The following PTPRD variants were observed in gnomAD, a reference collection of about 807,000 sequenced individuals.
The protein encoded by PTPRD is protein tyrosine phosphatase receptor type D, also known as receptor-type tyrosine-protein phosphatase delta.
A neutral mutation model predicts 214.5 loss-of-function variants in PTPRD; 34 were observed. The ratio of observed to expected loss-of-function variants is 0.16; its 90% CI spans 0.12 to 0.21. The LOEUF (loss-of-function observed/expected upper bound fraction) is 0.21, where lower values mean the gene tolerates loss of function less well. PTPRD is among the 10% of genes least tolerant of loss of function. PTPRD has a pLI of 1.00. For missense variants in PTPRD, 2,545 were observed against 2,398.7 expected, an observed-to-expected ratio of 1.06 and a Z score of -1.27; for synonymous variants, 1,128 against 845.7, an observed-to-expected ratio of 1.33 and a Z score of -5.79.
intron 2 of PTPRD, among the ~76,000 whole-genome samples, chr9:10,362,435 T>A (rs2097412691): frequency 6.6e-6 from 1 of 151,768 alleles, no homozygotes; most frequent in South Asian, 2.1e-4. Flanking sequence ...GAGCAATGAC[T>A]GAATCTGGGC....
chr9:8,576,941 G>A (rs1230065382), intron 14 of PTPRD, among the ~76,000 whole-genome samples: 2 of 152,128 alleles, frequency 1.3e-5, no homozygotes, highest in African/African-American at 4.8e-5. Flanking sequence ...AGAGCCATCT[G>A]GACCTTTATC....
In PTPRD at chr9:9,094,759, C is replaced by T. The variant is rs555981023; in HGVS notation, c.-142-76024G>A. Among the ~76,000 whole-genome samples the T allele has an allele frequency of 2.8e-4, 43 of 152,200 alleles. No homozygotes were observed. The South Asian group carries it at 5.4e-3, about 19-fold the overall frequency. ...TAAAATATTTAACAACAACAAACAACGACAACAACAACATACAATTTCCAT... is the reference window on the plus strand; with the variant it reads ...TAAAATATTTAACAACAACAAACAATGACAACAACAACATACAATTTCCAT... On this transcript the variant is annotated intron_variant, in intron 10 of 45. Transcript: ENST00000381196.
intron 7 of PTPRD, among the ~76,000 whole-genome samples, chr9:9,691,937 T>C (rs1023810180): frequency 6.6e-6 from 1 of 152,078 alleles, no homozygotes; most frequent in African/African-American, 2.4e-5. Flanking sequence ...GGGAACTGTC[T>C]ATTGAAATAT....
intron 11 of PTPRD, among the ~76,000 whole-genome samples, chr9:8,758,204 C>A (rs540511473): frequency 7.0e-4 from 107 of 152,290 alleles, no homozygotes; most frequent in African/African-American, 2.4e-3. Flanking sequence ...ATGTAGTCAG[C>A]CTTTCTCAAC....
intron 8 of PTPRD, among the ~76,000 whole-genome samples, chr9:9,542,267 G>A (rs2077764124): frequency 6.6e-6 from 1 of 151,758 alleles, no homozygotes; most frequent in South Asian, 2.1e-4. Context: ...TAATTTAGGT[G>A]ACAAACAGGT....
chr9:9,069,931 G>T (rs983537045), intron 10 of PTPRD, among the ~76,000 whole-genome samples: 1 of 152,098 alleles, frequency 6.6e-6, no homozygotes, highest in Non-Finnish European at 1.5e-5. Flanking sequence ...TGGAGAAAAA[G>T]AACCTATAAA....
chr9:8,318,512 T>C (rs1225385638), intron 45 of PTPRD, among the ~76,000 whole-genome samples: 4 of 152,076 alleles, frequency 2.6e-5, no homozygotes, highest in South Asian at 2.1e-4. Flanking sequence ...ACCCTTTGGC[T>C]GTCTCTCTCA....
intron 7 of PTPRD, among the ~76,000 whole-genome samples, chr9:9,639,484 A>T (rs1477820657): frequency 6.6e-6 from 1 of 152,188 alleles, no homozygotes; most frequent in Non-Finnish European, 1.5e-5. Context: ...TTTTCCTATT[A>T]GCAGGCTATG....
At chr9:10,478,702 C>G (rs971169186) in intron 2 of PTPRD, among the ~76,000 whole-genome samples, 2 of 151,604 alleles carry the variant, frequency 1.3e-5, no homozygotes, top group Non-Finnish European at 2.9e-5. Context: ...AATACAATTA[C>G]AGAGTTACTA....
chr9:9,515,622 T>C (rs994580527), intron 8 of PTPRD, among the ~76,000 whole-genome samples: 2 of 151,812 alleles, frequency 1.3e-5, no homozygotes, highest in East Asian at 1.9e-4. Flanking sequence ...TTACAAGATA[T>C]GGAAAAACAT....
chr9:8,971,659 C>A (rs996726849), intron 11 of PTPRD, among the ~76,000 whole-genome samples: 26 of 151,662 alleles, frequency 1.7e-4, no homozygotes, highest in African/African-American at 5.8e-4. Flanking sequence ...ATGGGGAAAT[C>A]ATCCTATCTA....
intron 3 of PTPRD, among the ~76,000 whole-genome samples, chr9:10,158,652 G>A (rs1178916286): frequency 2.6e-5 from 4 of 152,116 alleles, no homozygotes; most frequent in African/African-American, 9.7e-5. Flanking sequence ...AGCATTCTGA[G>A]CATATGGTAA....
At chr9:9,981,445 C>G (rs1362729022) in intron 4 of PTPRD, among the ~76,000 whole-genome samples, 2 of 151,450 alleles carry the variant, frequency 1.3e-5, no homozygotes, top group African/African-American at 4.9e-5. Flanking sequence ...AGCTCCACCT[C>G]CAGGGTTCAA....
chr9:10,545,125 A>G (rs2059921854), intron 2 of PTPRD, among the ~76,000 whole-genome samples: 1 of 152,206 alleles, frequency 6.6e-6, no homozygotes, highest in East Asian at 1.9e-4. Context: ...TGGGCAGAGC[A>G]AACTCCCACA....
intron 3 of PTPRD, among the ~76,000 whole-genome samples, chr9:10,177,948 G>T (rs1212607534): frequency 6.6e-6 from 1 of 151,852 alleles, no homozygotes; most frequent in Non-Finnish European, 1.5e-5. Flanking sequence ...AAACCAAAAT[G>T]GGAGCAGTCC....
intron 9 of PTPRD, among the ~76,000 whole-genome samples, chr9:9,234,563 C>G (rs2099965341): frequency 6.6e-6 from 1 of 152,184 alleles, no homozygotes; most frequent in Non-Finnish European, 1.5e-5. Context: ...CACCCGGCTG[C>G]AAATTTTCCA....
At chr9:10,540,178 C>A (rs1181388641) in intron 2 of PTPRD, among the ~76,000 whole-genome samples, 1 of 152,108 alleles carries the variant, frequency 6.6e-6, no homozygotes, top group Non-Finnish European at 1.5e-5. Flanking sequence ...AACTGGCGTG[C>A]ACCACTATGC....
At chr9:8,642,231 C>T (rs1287859335) in intron 12 of PTPRD, among the ~76,000 whole-genome samples, 1 of 152,158 alleles carries the variant, frequency 6.6e-6, no homozygotes, top group African/African-American at 2.4e-5. Context: ...TGCCATTTAT[C>T]TAATTTAATT....
At chr9:9,304,964 T>C (rs1268169306) in intron 9 of PTPRD, among the ~76,000 whole-genome samples, 1 of 147,132 alleles carries the variant, frequency 6.8e-6, no homozygotes, top group Non-Finnish European at 1.5e-5. Context: ...TGGGAGTCTG[T>C]AATCTAGTTG....
Sources: gnomAD v4.1 joint callset for allele counts (sites outside exome capture counted in the v4.1 genomes callset) on GRCh38, gnomAD v4.1.1 for gene constraint, MANE v1.5 for transcripts, NCBI Gene and HGNC (gene_info 2026-07-23, HGNC 2026-07-21) for gene names.